UTRN: variants seen among roughly 807,000 people sequenced by gnomAD.
UTRN encodes the protein dystrophin-related protein 1.
A neutral mutation model predicts 463.9 loss-of-function variants in UTRN; 283 were observed. The observed-to-expected ratio is 0.61, with a 90% CI of 0.55 to 0.67. UTRN has a LOEUF of 0.67. Among genes scored for constraint, UTRN ranks in the 30% least tolerant of loss-of-function variants. UTRN has a pLI of 0.00. For missense variants in UTRN, 3,922 were observed against 4,084.3 expected (o/e 0.96, Z 1.08); for synonymous variants, 1,442 against 1,431.5 (o/e 1.01, Z -0.17).
chr6:144,292,488 A>C (rs1217388039), intron 2 of UTRN, among the ~76,000 whole-genome samples: 1 of 152,128 alleles, frequency 6.6e-6, no homozygotes, highest in Non-Finnish European at 1.5e-5. Context: ...CCCCTCCTCC[A>C]ATCTTTTTAT....
intron 2 of UTRN, among the ~76,000 whole-genome samples, chr6:144,327,443 T>C (rs1256515445): frequency 6.6e-6 from 1 of 152,140 alleles, no homozygotes; most frequent in Admixed American, 6.5e-5. Context: ...TTGGTTTTGG[T>C]GTCTTCTCTG....
intron 2 of UTRN, among the ~76,000 whole-genome samples, chr6:144,385,747 C>T (rs377672445): frequency 1.3e-4 from 20 of 148,994 alleles, no homozygotes; most frequent in African/African-American, 3.0e-4. Flanking sequence ...CTTGCTCTTT[C>T]GCTCAGGCTT....
chr6:144,457,520 T>C (rs540764565), intron 19 of UTRN, among the ~76,000 whole-genome samples: 2 of 152,350 alleles, frequency 1.3e-5, no homozygotes, highest in East Asian at 3.9e-4. Flanking sequence ...ATTGTTCATA[T>C]TGTTAGGAAA....
intron 2 of UTRN, chr6:144,398,459 G>T: frequency 2.7e-6 from 1 of 371,822 alleles, no homozygotes; most frequent in Non-Finnish European, 5.3e-6. Flanking sequence ...AGCATGTGCT[G>T]GCATTTTTTT....
intron 7 of UTRN, among the ~76,000 whole-genome samples, chr6:144,427,001 A>G (rs944908801): frequency 3.3e-5 from 5 of 152,226 alleles, no homozygotes; most frequent in Non-Finnish European, 5.9e-5. Flanking sequence ...ATGCAGTACT[A>G]TCAATATACA....
chr6:144,588,865 G>A (rs1802732121), intron 51 of UTRN, among the ~76,000 whole-genome samples: 1 of 152,176 alleles, frequency 6.6e-6, no homozygotes, highest in Non-Finnish European at 1.5e-5. Context: ...TGTAGAAAAT[G>A]TTATGCCTTG....
At chr6:144,809,115 G>A (rs1778391047) in intron 65 of UTRN, among the ~76,000 whole-genome samples, 1 of 152,082 alleles carries the variant, frequency 6.6e-6, no homozygotes, top group African/African-American at 2.4e-5. Flanking sequence ...ACCAAAGATA[G>A]TTCTTTAAGT....
chr6:144,682,745 G>A (rs1782336883), intron 52 of UTRN, among the ~76,000 whole-genome samples: 1 of 152,110 alleles, frequency 6.6e-6, no homozygotes, highest in Non-Finnish European at 1.5e-5. Flanking sequence ...TTTAAAAAAT[G>A]AATAAGATAA....
At chr6:144,696,046 T>C (rs567981877) in intron 52 of UTRN, among the ~76,000 whole-genome samples, 22 of 152,256 alleles carry the variant, frequency 1.4e-4, no homozygotes, top group African/African-American at 5.1e-4. Flanking sequence ...CTTTTATGAG[T>C]CTATTAAAAA....
At chr6:144,407,725 A>G (rs1783539867) in intron 3 of UTRN, among the ~76,000 whole-genome samples, 1 of 152,248 alleles carries the variant, frequency 6.6e-6, no homozygotes, top group Non-Finnish European at 1.5e-5. Context: ...TTGTAACTGT[A>G]AATGAATATA....
chr6:144,659,934 AGAG>A, intron 51 of UTRN: 1 of 259,908 alleles, frequency 3.8e-6, no homozygotes, highest in Non-Finnish European at 7.8e-6. Flanking sequence ...TCCCAGAGAA[AGAG>A]GAGACCATGC....
chr6:144,404,118 C>T (rs772841106), intron 3 of UTRN, among the ~76,000 whole-genome samples: 12 of 152,186 alleles, frequency 7.9e-5, no homozygotes, highest in African/African-American at 1.4e-4. Flanking sequence ...AAATGCTCCA[C>T]GTCCCAATAT....
chr6:144,338,349 C>G (rs933851266), intron 2 of UTRN, among the ~76,000 whole-genome samples: 1 of 151,952 alleles, frequency 6.6e-6, no homozygotes, highest in East Asian at 1.9e-4. Context: ...AAAAAAAACC[C>G]GACATGCTCT....
In UTRN at chr6:144,406,610, G is replaced by A. The variant is rs920404359; in HGVS notation, c.141+3426G>A. ...TCAAACTCCTGACCTCAAGTGATCC[G>A]CCTGCCTCGACCTCCCAAAGTGCTG... is the stretch of plus-strand genomic sequence containing the variant. On this transcript the variant is annotated intron_variant, in intron 3 of 74. Coordinates refer to ENST00000367545, the MANE Select transcript of UTRN (RefSeq NM_007124.3). Among the ~76,000 whole-genome samples, 8 of 152,046 alleles carry A rather than the reference G, an allele frequency of 5.3e-5. No homozygotes were observed. In the South Asian group the frequency reaches 8.3e-4, roughly 16 times the overall value.
rs147084796 is a variant in UTRN, at chr6:144,429,737, T to C, written c.851T>C (p.Ile284Thr). The C allele has an allele frequency of 6.6e-4, 1,053 of 1,606,600 alleles. 1 individual carries two copies. Among genetic ancestry groups the C allele is most frequent in the Non-Finnish European group, 8.3e-4 (978 of 1,177,834 alleles). ...KKECEEEAIN[I>T]QSTAPEEEHE... ...GAATGTGAAGAAGAGGCAATTAATA[T>C]ACAGGTACAGGTAACATTTTATTAA... Residue 284 changes from isoleucine (I) to threonine (T), a missense_variant, in exon 9 of 75, where the codon ATA becomes ACA. Ile to Thr is a moderately conservative substitution (Grantham distance 89, BLOSUM62 -1). Coordinates refer to ENST00000367545, the MANE Select transcript of UTRN (RefSeq NM_007124.3).
At chr6:144,687,350 TAA>T (rs1183480860) in intron 52 of UTRN, among the ~76,000 whole-genome samples, 2 of 151,994 alleles carry the variant, frequency 1.3e-5, no homozygotes, top group African/African-American at 4.8e-5. Flanking sequence ...AGACTCAAGG[TAA>T]AGAGGGTGAA....
At chr6:144,521,945 A>G in intron 39 of UTRN, 35 bp from the exon 40 acceptor site, 1 of 1,162,936 alleles carries the variant, frequency 8.6e-7, no homozygotes, top group East Asian at 3.7e-5. Context: ...AGATATATAT[A>G]TATATATATA....
intron 51 of UTRN, among the ~76,000 whole-genome samples, chr6:144,598,064 A>G (rs1803839828): frequency 6.6e-6 from 1 of 152,188 alleles, no homozygotes; most frequent in Admixed American, 6.5e-5. Flanking sequence ...GCTTCCAAGG[A>G]TGAATCTGTG....
intron 66 of UTRN, among the ~76,000 whole-genome samples, chr6:144,825,641 C>G (rs1780105324): frequency 1.3e-5 from 2 of 152,016 alleles, no homozygotes; most frequent in South Asian, 4.1e-4. Context: ...AGAGCTTTCC[C>G]AAGGTTGATT....
Sources: gnomAD v4.1 joint callset for allele counts (sites outside exome capture counted in the v4.1 genomes callset) on GRCh38, gnomAD v4.1.1 for gene constraint, MANE v1.5 for transcripts, NCBI Gene and HGNC (gene_info 2026-07-23, HGNC 2026-07-21) for gene names.